The following TARS2 variants were observed in gnomAD, a reference collection of about 807,000 sequenced individuals.
TARS2 encodes the protein threonine--tRNA ligase, mitochondrial.
A neutral mutation model predicts 94.4 loss-of-function variants in TARS2; 61 were observed. The observed-to-expected ratio is 0.65, with a 90% CI of 0.53 to 0.80. TARS2 has a LOEUF of 0.80. TARS2 is among the 30% of genes least tolerant of loss of function. The pLI is 0.00. For missense variants in TARS2, 704 were observed against 902.5 expected, an observed-to-expected ratio of 0.78 and a Z score of 2.82; for synonymous variants, 359 against 353.4, an observed-to-expected ratio of 1.02 and a Z score of -0.18.
At chr1:150,503,557 G>A (rs1180839311) in intron 13 of TARS2, among the ~76,000 whole-genome samples, 2 of 93,256 alleles carry the variant, frequency 2.1e-5, no homozygotes, top group African/African-American at 8.7e-5. Flanking sequence ...GTGTGTGTGT[G>A]TGTGTGTGTG....
chr1:150,495,047 C>T (rs1276946927), intron 7 of TARS2, among the ~76,000 whole-genome samples: 3 of 151,922 alleles, frequency 2.0e-5, no homozygotes, highest in Admixed American at 6.6e-5. Flanking sequence ...GGCGAGGTGG[C>T]GGGCGCCTGT....
At chr1:150,504,543 A>C in intron 14 of TARS2, 89 bp from the exon 15 acceptor site, 3 of 1,572,644 alleles carry the variant, frequency 1.9e-6, no homozygotes, top group Non-Finnish European at 2.6e-6. Context: ...GCCAGAGCTG[A>C]ATATTTCTTA....
At chr1:150,500,837 T>A (rs1201088510) in intron 13 of TARS2, among the ~76,000 whole-genome samples, 1 of 151,820 alleles carries the variant, frequency 6.6e-6, no homozygotes, top group Non-Finnish European at 1.5e-5. Flanking sequence ...AAAATAATAA[T>A]AAAATGAAAA....
chr1:150,504,567 G>C (rs1670110066), intron 14 of TARS2, 65 bp from the exon 15 acceptor site: 1 of 1,588,090 alleles, frequency 6.3e-7, no homozygotes, highest in South Asian at 1.1e-5. Context: ...ACTGGAAGGT[G>C]ATCTTGGGTA....
At chr1:150,503,369 G>A (rs1051237679) in intron 13 of TARS2, among the ~76,000 whole-genome samples, 4 of 151,962 alleles carry the variant, frequency 2.6e-5, no homozygotes, top group African/African-American at 9.7e-5. Flanking sequence ...TTAAAGAACC[G>A]GTGGGTTGAA....
chr1:150,489,281 G>A, intron 3 of TARS2, 194 bp downstream of exon 3: 1 of 734,420 alleles, frequency 1.4e-6, no homozygotes, highest in Non-Finnish European at 2.3e-6. Flanking sequence ...GATCTATTAA[G>A]CAAACATTTG....
At chr1:150,498,471 T>A (rs1226423176) in intron 10 of TARS2, 31 bp from the exon 11 acceptor site, 1 of 1,534,706 alleles carries the variant, frequency 6.5e-7, no homozygotes, top group East Asian at 2.3e-5. Context: ...GTCCTCCCTA[T>A]GGCCCTGACC....
At chr1:150,498,401 G>A in intron 10 of TARS2, 101 bp from the exon 11 acceptor site, 1 of 1,410,202 alleles carries the variant, frequency 7.1e-7, no homozygotes, top group Non-Finnish European at 9.4e-7. Flanking sequence ...GAGGGTTATA[G>A]CAGATGGTGC....
chr1:150,491,764 C>T lies in TARS2; in HGVS notation c.695+102C>T. The stretch of plus-strand genomic sequence containing the variant: ...AAGATAGAAGGTAATTTGTGTTGCT[C>T]CAGAAAAAGAAATGGGAATGGGAAT... On this transcript the variant is annotated intron_variant, in intron 6 of 17. Coordinates refer to ENST00000369064, the MANE Select transcript of TARS2 (RefSeq NM_025150.5). 6 of 1,261,694 alleles carry T rather than the reference C, an allele frequency of 4.8e-6. No individual in the cohort carries two copies. The South Asian group carries it at 6.4e-5, about 14-fold the overall frequency. 78.2% of individuals were successfully genotyped at this position (1,261,694 alleles called of 1,614,324 possible).
In TARS2 at chr1:150,504,612, C is replaced by G. The variant is rs587730315; in HGVS notation, c.1719-20C>G. 349 of 1,610,354 alleles carry G rather than the reference C, an allele frequency of 2.2e-4. 1 individual carries two copies. The African/African-American group carries it at 3.9e-3, about 18-fold the overall frequency. On this transcript the variant is annotated intron_variant, in intron 14 of 17. Transcript: ENST00000369064. ...TGATACTTCCACCATTCCATCCACC[C>G]CCCCCTTTTTCCTTTCAAGGCAGGC...
Position 150,488,888 on chromosome 1 carries a change from T to A in TARS2, c.264-76T>A. ...AACTTTTTAAACTCTCATATAGGAA[T>A]CAGAACATGTGATATTTTCCTTTTT... On this transcript the variant is annotated intron_variant, in intron 2 of 17. Coordinates refer to ENST00000369064, the MANE Select transcript of TARS2 (RefSeq NM_025150.5). The A allele has an allele frequency of 3.2e-6, 5 of 1,553,620 alleles. No individual in the cohort carries two copies. In the South Asian group the frequency reaches 4.9e-5, roughly 15 times the overall value.
chr1:150,488,927 C>T (rs1669262846), intron 2 of TARS2, 37 bp from the exon 3 acceptor site: 2 of 1,602,608 alleles, frequency 1.2e-6, no homozygotes, highest in African/African-American at 1.3e-5. Context: ...CCTTGTAACC[C>T]TGTCTTTTTC....
chr1:150,487,443 G>A lies in TARS2; in HGVS notation c.-8G>A. On this transcript the variant is annotated 5_prime_UTR_variant, in exon 1 of 18. Coordinates refer to ENST00000369064, the MANE Select transcript of TARS2 (RefSeq NM_025150.5). ...TGTTTGAGGATGTAGGCACTGGTGT[G>A]AAGGAACATGGCCCTGTATCAGAGG... is the stretch of plus-strand genomic sequence containing the variant. 1 of 1,614,234 alleles carries A rather than the reference G, an allele frequency of 6.2e-7. No homozygotes were observed. The highest frequency in any genetic ancestry group is 8.5e-7 in the Non-Finnish European group (1 of 1,180,046).
intron 7 of TARS2, among the ~76,000 whole-genome samples, chr1:150,495,104 T>TG (rs587739909): frequency 2.5e-4 from 38 of 149,552 alleles, no homozygotes; most frequent in African/African-American, 9.3e-4. Context: ...GCGTGAACCC[T>TG]GGGGGGTGGA....
chr1:150,503,633 G>A (rs12730440), intron 13 of TARS2, among the ~76,000 whole-genome samples: 16 of 89,264 alleles, frequency 1.8e-4, no homozygotes, highest in African/African-American at 3.4e-4. Flanking sequence ...GTGTATATAT[G>A]TGTGTGTATA....
intron 2 of TARS2, 105 bp downstream of exon 2, chr1:150,488,159 C>A: frequency 7.6e-7 from 1 of 1,309,592 alleles, no homozygotes; most frequent in Non-Finnish European, 1.0e-6. Flanking sequence ...CTGTTCCGTC[C>A]CCATTAAGAT....
At chr1:150,487,546 C>T (rs1313547583) in intron 1 of TARS2, 30 bp downstream of exon 1, 1 of 1,614,128 alleles carries the variant, frequency 6.2e-7, no homozygotes, top group East Asian at 2.2e-5. Flanking sequence ...AGCTCCGATC[C>T]GCATCAGACT....
chr1:150,496,758 A>G (rs1669679260), intron 8 of TARS2, 52 bp from the exon 9 acceptor site: 8 of 1,609,644 alleles, frequency 5.0e-6, no homozygotes, highest in African/African-American at 2.7e-5. Context: ...CTGAGTTCCA[A>G]AGCCACCTCC....
intron 9 of TARS2, 134 bp from the exon 10 acceptor site, chr1:150,497,396 G>C (rs2102492064): frequency 1.4e-6 from 1 of 736,076 alleles, no homozygotes; most frequent in East Asian, 2.6e-5. Flanking sequence ...GGAGCATAGA[G>C]ATGGGACCTG....
Sources: gnomAD v4.1 joint callset for allele counts (sites outside exome capture counted in the v4.1 genomes callset) on GRCh38, gnomAD v4.1.1 for gene constraint, MANE v1.5 for transcripts, NCBI Gene and HGNC (gene_info 2026-07-23, HGNC 2026-07-21) for gene names.